Variants in CTNNA2 observed in about 807,000 individuals in gnomAD.
CTNNA2 encodes the protein catenin alpha-2.
In CTNNA2, 42 loss-of-function variants were observed where a neutral mutation model predicts 101.0. The ratio of observed to expected loss-of-function variants is 0.42; its 90% CI spans 0.32 to 0.54. The LOEUF is 0.54. Among genes scored for constraint, CTNNA2 ranks in the 20% least tolerant of loss-of-function variants. The probability of loss-of-function intolerance (pLI) is 0.14; values close to 1 mark genes in which losing one functional copy is unlikely to be tolerated. For missense variants in CTNNA2, 871 were observed against 1,223.1 expected, an observed-to-expected ratio of 0.71 and a Z score of 4.29; for synonymous variants, 450 against 456.4, an observed-to-expected ratio of 0.99 and a Z score of 0.18.
At chr2:80,448,772 G>A (rs1683264443) in intron 9 of CTNNA2, among the ~76,000 whole-genome samples, 1 of 152,164 alleles carries the variant, frequency 6.6e-6, no homozygotes, top group Non-Finnish European at 1.5e-5. Flanking sequence ...CCAGGAGCCT[G>A]TATGTTAGCA....
chr2:80,514,118 G>A (rs1021854247), intron 9 of CTNNA2, among the ~76,000 whole-genome samples: 2 of 152,148 alleles, frequency 1.3e-5, no homozygotes, highest in African/African-American at 4.8e-5. Context: ...TAGGTAACCT[G>A]GTTTATTGAG....
At chr2:79,930,284 GAGAGAGAAAGAGAAAGAAAGAAAGAA>G (rs1687316274) in intron 7 of CTNNA2, among the ~76,000 whole-genome samples, 2 of 71,582 alleles carry the variant, frequency 2.8e-5, no homozygotes, top group Admixed American at 1.6e-4. Flanking sequence ...GAAAGAGAGA[GAGAGAGAAAGAGAAAGAAAGAAAGAA>G]AGAAAGAAAG....
upstream of CTNNA2, among the ~76,000 whole-genome samples, chr2:79,509,310 T>C (rs1168851913): frequency 6.6e-6 from 1 of 152,048 alleles, no homozygotes; most frequent in Non-Finnish European, 1.5e-5. Context: ...CCTTAAAAGA[T>C]GAAATTGCTA....
At chr2:79,287,325 G>A (rs1204816027) in intron 2 of CTNNA2, among the ~76,000 whole-genome samples, 1 of 152,198 alleles carries the variant, frequency 6.6e-6, no homozygotes, top group Admixed American at 6.5e-5. Context: ...GAGGAGGAGA[G>A]TCGCTCTGCT....
At chr2:80,090,016 C>A (rs1455898382) in intron 7 of CTNNA2, among the ~76,000 whole-genome samples, 1 of 151,942 alleles carries the variant, frequency 6.6e-6, no homozygotes, top group Non-Finnish European at 1.5e-5. Context: ...CATTGTTGAT[C>A]TGCCAGGATG....
chr2:79,716,078 G>A (rs1396752981), intron 2 of CTNNA2, among the ~76,000 whole-genome samples: 1 of 151,764 alleles, frequency 6.6e-6, no homozygotes, highest in Non-Finnish European at 1.5e-5. Context: ...GGAAGCCACA[G>A]GGATATGCTC....
chr2:79,436,235 G>A (rs1201312848), intron 4 of CTNNA2, among the ~76,000 whole-genome samples: 1 of 152,064 alleles, frequency 6.6e-6, no homozygotes, highest in African/African-American at 2.4e-5. Context: ...AGCCTTAGTG[G>A]ATCATCAAAC....
At chr2:79,910,969 C>T (rs1382768738) in intron 7 of CTNNA2, among the ~76,000 whole-genome samples, 1 of 152,174 alleles carries the variant, frequency 6.6e-6, no homozygotes, top group Non-Finnish European at 1.5e-5. Flanking sequence ...AATTTGTTTC[C>T]TTTCCATGAA....
chr2:79,916,706 G>A (rs1034481656), intron 7 of CTNNA2, among the ~76,000 whole-genome samples: 8 of 150,664 alleles, frequency 5.3e-5, no homozygotes, highest in Admixed American at 1.3e-4. Context: ...CCTCAGCCTC[G>A]CTAGTAGCTG....
chr2:79,469,509 A>G (rs895424678), intron 4 of CTNNA2, among the ~76,000 whole-genome samples: 7 of 152,166 alleles, frequency 4.6e-5, no homozygotes, highest in Non-Finnish European at 2.9e-5. Context: ...AAAAGAGGGA[A>G]TTCTCCCTAA....
chr2:79,670,204 T>C (rs959363025), intron 2 of CTNNA2, among the ~76,000 whole-genome samples: 10 of 152,174 alleles, frequency 6.6e-5, no homozygotes, highest in African/African-American at 2.4e-4. Context: ...CGGCTCCTAG[T>C]TGCTTCCTGG....
At chr2:79,292,334 T>G (rs1318395360) in intron 2 of CTNNA2, among the ~76,000 whole-genome samples, 1 of 152,202 alleles carries the variant, frequency 6.6e-6, no homozygotes, top group Non-Finnish European at 1.5e-5. Flanking sequence ...ACATTTTCTA[T>G]GCTGAATGCC....
intron 7 of CTNNA2, among the ~76,000 whole-genome samples, chr2:80,264,621 T>C (rs566025451): frequency 2.2e-4 from 33 of 152,260 alleles, no homozygotes; most frequent in African/African-American, 7.7e-4. Flanking sequence ...TAGCCTAAAA[T>C]CCCTTAGCTT....
chr2:80,571,971 A>T (rs540959867), intron 12 of CTNNA2, among the ~76,000 whole-genome samples: 4 of 152,260 alleles, frequency 2.6e-5, no homozygotes, highest in Admixed American at 2.6e-4. Context: ...TGTGACTCCA[A>T]TGTACAATTA....
intron 7 of CTNNA2, among the ~76,000 whole-genome samples, chr2:79,981,701 G>A (rs976377267): frequency 3.3e-5 from 5 of 151,936 alleles, no homozygotes; most frequent in Non-Finnish European, 7.4e-5. Context: ...CAATTTTATC[G>A]AGCAAAAGCT....
At chr2:80,141,464 A>T (rs942864628) in intron 7 of CTNNA2, among the ~76,000 whole-genome samples, 56 of 152,226 alleles carry the variant, frequency 3.7e-4, no homozygotes, top group African/African-American at 1.3e-3. Flanking sequence ...AGGGAGAAAC[A>T]TTAAAGGGAG....
At chr2:79,854,582 A>G (rs1558583257) in intron 3 of CTNNA2, among the ~76,000 whole-genome samples, 3 of 152,248 alleles carry the variant, frequency 2.0e-5, no homozygotes, top group African/African-American at 2.4e-5. Context: ...TAAAGCTTTT[A>G]GAACAATACT....
rs376661056 is a variant in CTNNA2 at position 80,146,359 on chromosome 2, C to A, written c.1056+236562C>A. 2.6e-5 allele frequency among the ~76,000 whole-genome samples: 4 copies of A among 152,118 alleles called. No homozygotes were observed. In the East Asian group the frequency reaches 5.8e-4, roughly 22 times the overall value. On this transcript the variant is annotated intron_variant, in intron 7 of 18. Coordinates refer to ENST00000402739, the MANE Select transcript of CTNNA2 (RefSeq NM_001282597.3). ...TTGGATTGTTACTCATCAATCGATT[C>A]AATAGACAACAAAGACAGTTACTTC...
At chr2:80,322,754 TGA>T (rs1377688638) in intron 7 of CTNNA2, among the ~76,000 whole-genome samples, 1 of 152,176 alleles carries the variant, frequency 6.6e-6, no homozygotes, top group Non-Finnish European at 1.5e-5. Context: ...ACTCAGCATG[TGA>T]GAGAGATTGT....
Sources: allele counts gnomAD v4.1 joint callset (sites outside exome capture counted in the v4.1 genomes callset), GRCh38; gene constraint gnomAD v4.1.1; transcripts MANE v1.5; gene names NCBI Gene and HGNC (gene_info 2026-07-23, HGNC 2026-07-21).